The following EFL1 variants were observed in gnomAD, a reference collection of about 807,000 sequenced individuals.
EFL1 encodes the protein elongation factor-like GTPase 1.
A neutral mutation model predicts 126.7 loss-of-function variants in EFL1; 76 were observed. That is an observed-to-expected ratio of 0.60 (90% CI 0.50 to 0.73). The LOEUF (loss-of-function observed/expected upper bound fraction) is 0.73, where lower values mean the gene tolerates loss of function less well. EFL1 is among the 30% of genes least tolerant of loss of function. The pLI, the probability that EFL1 is intolerant of heterozygous loss-of-function variation, is 0.00. For missense variants in EFL1, 1,128 were observed against 1,343.2 expected (o/e 0.84, Z 2.50); for synonymous variants, 410 against 448.4 (o/e 0.91, Z 1.08).
chr15:82,240,883 G>A (rs2074924008), intron 5 of EFL1, among the ~76,000 whole-genome samples: 1 of 152,112 alleles, frequency 6.6e-6, no homozygotes, highest in African/African-American at 2.4e-5. Context: ...AATCCCGTCT[G>A]TATTAAAAGT....
At chr15:82,207,283 T>C (rs181880785) in intron 15 of EFL1, among the ~76,000 whole-genome samples, 1 of 121,914 alleles carries the variant, frequency 8.2e-6, no homozygotes, top group Non-Finnish European at 1.7e-5. Context: ...TATTTATGTG[T>C]GTGTATATAT....
intron 4 of EFL1, among the ~76,000 whole-genome samples, chr15:82,245,761 C>T (rs2074966738): frequency 6.6e-6 from 1 of 151,726 alleles, no homozygotes; most frequent in African/African-American, 2.4e-5. Flanking sequence ...GTAAGACCAT[C>T]ATCTCTACAA....
chr15:82,174,492 A>G (rs1208023696), intron 15 of EFL1: 1 of 152,202 alleles, frequency 6.6e-6, no homozygotes, highest in African/African-American at 2.4e-5. Flanking sequence ...CCACAGGGCA[A>G]TGAACCTGGG....
chr15:82,183,318 CAT>C (rs1430814420), intron 15 of EFL1, among the ~76,000 whole-genome samples: 2 of 152,190 alleles, frequency 1.3e-5, no homozygotes, highest in Non-Finnish European at 2.9e-5. Context: ...TCTTCAAACA[CAT>C]GAGATAAAAA....
chr15:82,255,842 A>G (rs1413177674), intron 3 of EFL1, among the ~76,000 whole-genome samples: 2 of 152,210 alleles, frequency 1.3e-5, no homozygotes, highest in African/African-American at 2.4e-5. Flanking sequence ...ACATCAACAC[A>G]TTGATAAGTC....
chr15:82,145,844 CAAA>C (rs5814101), intron 18 of EFL1, among the ~76,000 whole-genome samples: 1 of 138,080 alleles, frequency 7.2e-6, no homozygotes. Flanking sequence ...CTCAAAAAAC[CAAA>C]AAAAAAAAAA....
chr15:82,182,524 T>C (rs1343161636), intron 15 of EFL1, among the ~76,000 whole-genome samples: 1 of 152,018 alleles, frequency 6.6e-6, no homozygotes, highest in Non-Finnish European at 1.5e-5. Context: ...GCAAGATGCC[T>C]GTAAATCATA....
chr15:82,226,015 T>C (rs1368145154), intron 11 of EFL1, among the ~76,000 whole-genome samples: 33 of 152,192 alleles, frequency 2.2e-4, no homozygotes, highest in Admixed American at 2.0e-4. Context: ...ATCAGAAGTC[T>C]TGCCAGTGGA....
chr15:82,210,121 C>T (rs1175465374), intron 15 of EFL1, among the ~76,000 whole-genome samples: 1 of 152,194 alleles, frequency 6.6e-6, no homozygotes, highest in Non-Finnish European at 1.5e-5. Flanking sequence ...TCACTATGAA[C>T]ATCTCTTTAT....
rs1206351713 is a variant in EFL1 at position 82,262,660 on chromosome 15, C to T, written c.-66G>A. ...CCCCGCTCCTTCTCTCGGGTCGCAC[C>T]CACACCGAGAGCTTCCGAAAGTCCG... On this transcript the variant is annotated 5_prime_UTR_variant, in exon 1 of 20. Coordinates refer to ENST00000268206, the MANE Select transcript of EFL1 (RefSeq NM_024580.6). 1.9e-5 allele frequency: 10 copies of T among 523,744 alleles called. No individual in the cohort carries two copies. The East Asian group carries it at 3.1e-4, about 16-fold the overall frequency. 32.4% of individuals were successfully genotyped at this position (523,744 alleles called of 1,614,324 possible).
At chr15:82,132,652 G>C (rs982500769) in intron 19 of EFL1, among the ~76,000 whole-genome samples, 1 of 129,398 alleles carries the variant, frequency 7.7e-6, no homozygotes, top group Non-Finnish European at 1.6e-5. Flanking sequence ...GGGCAACAAG[G>C]GGCAGAAAAG....
In EFL1 at chr15:82,138,795, C is replaced by G. The variant is rs766081338; in HGVS notation, c.3037G>C (p.Glu1013Gln). The part of the protein sequence containing the change: ...LSKREGRVLQ[E>Q]EMKEGTDMFI... ...ATGTCTGTCCCTTCTTTCATTTCTT[C>G]TTGAAGTACCCGACCTTCTCTCTTT... The change falls in exon 19 of 20, where the codon GAA becomes CAA. Residue 1013 changes from glutamate to glutamine, a missense_variant. By Grantham distance (29) the Glu-to-Gln change is conservative. This residue lies in a region of EFL1 where 561 missense variants were observed against 641.7 expected (regional missense o/e 0.87). Coordinates refer to ENST00000268206, the MANE Select transcript of EFL1 (RefSeq NM_024580.6). 3.1e-6 allele frequency: 5 copies of G among 1,613,922 alleles called. No homozygotes were observed. The East Asian group carries it at 1.1e-4, about 36-fold the overall frequency.
At chr15:82,246,469 C>T (rs1266987743) in intron 4 of EFL1, among the ~76,000 whole-genome samples, 1 of 151,944 alleles carries the variant, frequency 6.6e-6, no homozygotes, top group African/African-American at 2.4e-5. Flanking sequence ...GTCTCATTAT[C>T]GGAGTAATTG....
Position 82,165,237 on chromosome 15 carries a change from G to A in EFL1, c.1751-1253C>T, listed in dbSNP as rs2074066759. 2.6e-5 allele frequency among the ~76,000 whole-genome samples: 4 copies of A among 152,246 alleles called. No homozygotes were observed. The South Asian group carries it at 8.3e-4, about 32-fold the overall frequency. ...GACAGACTGAGACCCCGTCAAAAAG[G>A]ACAGGAAAGGATAGGACAGGAGAGA... On this transcript the variant is annotated intron_variant, in intron 15 of 19. Transcript: ENST00000268206.
chr15:82,173,561 ATGAT>A (rs2074159361), intron 15 of EFL1, among the ~76,000 whole-genome samples: 2 of 152,324 alleles, frequency 1.3e-5, no homozygotes, highest in South Asian at 4.1e-4. Flanking sequence ...TAAAAAGTGA[ATGAT>A]TGTTTCAGTC....
At chr15:82,147,093 A>T (rs1396599148) in intron 18 of EFL1, among the ~76,000 whole-genome samples, 1 of 152,078 alleles carries the variant, frequency 6.6e-6, no homozygotes, top group East Asian at 1.9e-4. Context: ...AACAGGGGTG[A>T]CTCAACACTA....
Position 82,227,327 on chromosome 15 carries a change from T to C in EFL1, c.1192+123A>G, listed in dbSNP as rs1307034942. 1.3e-5 allele frequency: 18 copies of C among 1,429,646 alleles called. No homozygotes were observed. In the East Asian group the frequency reaches 3.9e-4, roughly 31 times the overall value. The allele number at this position is 1,429,646 out of a possible 1,614,324, so 88.6% of individuals were successfully genotyped here. On this transcript the variant is annotated intron_variant, in intron 11 of 19. Transcript: ENST00000268206. Reference sequence around the variant, plus strand: ...GGTCATTTGTGAAACTGTTCATCTGTGGAAGTGGACATTTGGCAAATTGGC... The same window carrying C: ...GGTCATTTGTGAAACTGTTCATCTGCGGAAGTGGACATTTGGCAAATTGGC...
rs2074898421 is a variant in EFL1, at chr15:82,238,590, G to A, written c.517-69C>T. The A allele has an allele frequency of 4.5e-6, 6 of 1,321,664 alleles. No homozygotes were observed. In the East Asian group the frequency reaches 1.5e-4, roughly 33 times the overall value. The allele number at this position is 1,321,664 out of a possible 1,614,324, so 81.9% of individuals were successfully genotyped here. The stretch of plus-strand genomic sequence containing the variant: ...GCATGCTCACGGCAGGAGAAACACT[G>A]TTTAACCTGTGTTAGGGCTAGAATC... On this transcript the variant is annotated intron_variant, in intron 6 of 19. Transcript: ENST00000268206.
chr15:82,227,403 G>A, intron 11 of EFL1, 47 bp downstream of exon 11: 1 of 1,613,582 alleles, frequency 6.2e-7, no homozygotes, highest in Non-Finnish European at 8.5e-7. Context: ...CCTGGATGGA[G>A]GACAGTCAAT....
Sources: allele counts gnomAD v4.1 joint callset (sites outside exome capture counted in the v4.1 genomes callset), GRCh38; gene constraint gnomAD v4.1.1; regional missense constraint gnomAD v4.1.1; transcripts MANE v1.5; gene names NCBI Gene and HGNC (gene_info 2026-07-23, HGNC 2026-07-21).